PPP3R1: variants seen among roughly 807,000 people sequenced by gnomAD.
PPP3R1 encodes calcineurin subunit B type 1.
Under a neutral mutation model 22.6 loss-of-function variants are expected in PPP3R1, and 5 were observed. The observed-to-expected ratio is 0.22, with a 90% CI of 0.12 to 0.46. The LOEUF is 0.46. PPP3R1 is among the 20% of genes least tolerant of loss of function. PPP3R1 has a pLI of 0.99. For missense variants in PPP3R1, 61 were observed against 203.2 expected, an observed-to-expected ratio of 0.30 and a Z score of 4.25; for synonymous variants, 56 against 65.2, an observed-to-expected ratio of 0.86 and a Z score of 0.68.
In PPP3R1 at chr2:68,252,108, G is replaced by T; in HGVS notation, c.3+17C>A. 1 of 1,432,500 alleles carries T rather than the reference G, an allele frequency of 7.0e-7. No individual in the cohort carries two copies. The allele number at this position is 1,432,500 out of a possible 1,614,324, so 88.7% of individuals were successfully genotyped here. A position where few individuals can be genotyped will look rare whatever the true frequency, so the allele number is the denominator to read the frequency against. On this transcript the variant is annotated intron_variant, in intron 1 of 5. Transcript: ENST00000234310. ...AGTAGGGGGAGGGATGGTGCATCGA[G>T]GAAGCCAAGGTCTCACCATTTTGCT...
chr2:68,186,473 A>T lies in PPP3R1; in HGVS notation c.460T>A (p.Cys154Ser), dbSNP rs1674548383. Residue 154 changes from cysteine to serine, a missense_variant, in exon 5 of 6, where the codon TGT becomes AGT. Transcript: ENST00000234310. ...ACCAGCTCTTTTGTACTTACAGCAC[A>T]GAATTCTTCAAAGGATATTCTTCCA... ...GDGRISFEEF[C>S]AVVGGLDIHK... The T allele has an allele frequency of 6.2e-7, 1 of 1,611,460 alleles. No individual in the cohort carries two copies. Among genetic ancestry groups the T allele is most frequent in the South Asian group, 1.1e-5 (1 of 90,862 alleles).
chr2:68,205,126 A>G (rs1675087721), intron 2 of PPP3R1, among the ~76,000 whole-genome samples: 2 of 152,264 alleles, frequency 1.3e-5, no homozygotes, highest in Admixed American at 1.3e-4. Context: ...TGAATTCTAT[A>G]TGCTCATCAT....
intron 1 of PPP3R1, among the ~76,000 whole-genome samples, chr2:68,230,169 T>C (rs781492454): frequency 6.6e-6 from 1 of 152,038 alleles, no homozygotes; most frequent in Non-Finnish European, 1.5e-5. Flanking sequence ...ATTTTTTGTA[T>C]TTTTGGTTGA....
intron 2 of PPP3R1, among the ~76,000 whole-genome samples, chr2:68,207,514 C>T (rs975523901): frequency 2.0e-5 from 3 of 152,164 alleles, no homozygotes; most frequent in Admixed American, 1.3e-4. Context: ...CCCAGATGTA[C>T]GTAAGGAACA....
At chr2:68,196,532 C>G (rs996132166) in intron 2 of PPP3R1, among the ~76,000 whole-genome samples, 1 of 151,988 alleles carries the variant, frequency 6.6e-6, no homozygotes, top group Non-Finnish European at 1.5e-5. Context: ...ATGTGTTGTA[C>G]CTTTTCTTAA....
chr2:68,217,084 T>C lies in PPP3R1; in HGVS notation c.43+8A>G. ...AAAGTAACTTTTGGTAACAAGAATATGACTTACAGTGTGAGCACATTTCCA... is the reference window on the plus strand; with the variant it reads ...AAAGTAACTTTTGGTAACAAGAATACGACTTACAGTGTGAGCACATTTCCA... On this transcript the variant is annotated splice_region_variant and intron_variant, in intron 2 of 5. Transcript: ENST00000234310. The C allele has an allele frequency of 6.3e-7, 1 of 1,577,822 alleles. No individual in the cohort carries two copies. The highest frequency in any genetic ancestry group is 8.7e-7 in the Non-Finnish European group (1 of 1,154,500).
chr2:68,242,781 C>T (rs953655618), intron 1 of PPP3R1, among the ~76,000 whole-genome samples: 33 of 152,152 alleles, frequency 2.2e-4, no homozygotes, highest in Admixed American at 1.2e-3. Context: ...TGGCATTACA[C>T]TCAGGAGGAT....
At chr2:68,193,692 G>A (rs1040996002) in intron 2 of PPP3R1, among the ~76,000 whole-genome samples, 2 of 152,168 alleles carry the variant, frequency 1.3e-5, no homozygotes, top group Non-Finnish European at 2.9e-5. Flanking sequence ...CTGTGCTACA[G>A]TAGGATATTA....
chr2:68,241,990 C>T (rs1670146602), intron 1 of PPP3R1, among the ~76,000 whole-genome samples: 1 of 152,168 alleles, frequency 6.6e-6, no homozygotes, highest in South Asian at 2.1e-4. Context: ...CCACTACCTA[C>T]ATGTAGTTAT....
intron 2 of PPP3R1, among the ~76,000 whole-genome samples, chr2:68,195,817 C>T (rs902181314): frequency 2.6e-5 from 4 of 151,786 alleles, no homozygotes; most frequent in Non-Finnish European, 5.9e-5. Flanking sequence ...TTTTGTTAGT[C>T]AAATTGTTCC....
At chr2:68,211,418 A>AAAAAAAC (rs1669482656) in intron 2 of PPP3R1, among the ~76,000 whole-genome samples, 1 of 151,604 alleles carries the variant, frequency 6.6e-6, no homozygotes, top group Admixed American at 6.6e-5. Flanking sequence ...AAAAAAAAAA[A>AAAAAAAC]AAAAAAACTC....
chr2:68,186,821 C>T (rs1395639746), intron 4 of PPP3R1, among the ~76,000 whole-genome samples, 169 bp from the exon 5 acceptor site: 3 of 152,190 alleles, frequency 2.0e-5, no homozygotes, highest in African/African-American at 4.8e-5. Flanking sequence ...GTTGGTTAAA[C>T]GTACGGGCTT....
chr2:68,237,955 G>C (rs1177374983), intron 1 of PPP3R1, among the ~76,000 whole-genome samples: 2 of 152,074 alleles, frequency 1.3e-5, no homozygotes, highest in African/African-American at 4.8e-5. Context: ...TTTACTTATT[G>C]AAAGTAACAA....
At chr2:68,248,447 T>A (rs1253515186) in intron 1 of PPP3R1, among the ~76,000 whole-genome samples, 2 of 152,218 alleles carry the variant, frequency 1.3e-5, no homozygotes, top group African/African-American at 4.8e-5. Context: ...CTAGGTACAT[T>A]AAGAGACGCT....
chr2:68,184,437 G>A (rs557573406), intron 5 of PPP3R1, among the ~76,000 whole-genome samples: 1 of 152,190 alleles, frequency 6.6e-6, no homozygotes, highest in South Asian at 2.1e-4. Context: ...TTGTCCTTGT[G>A]AGTACATAAC....
intron 2 of PPP3R1, among the ~76,000 whole-genome samples, chr2:68,197,115 A>G (rs1674794991): frequency 6.6e-6 from 1 of 152,206 alleles, no homozygotes; most frequent in African/African-American, 2.4e-5. Context: ...AGTTTTGACA[A>G]ATGCATATAC....
At chr2:68,225,554 G>C (rs1669765803) in intron 1 of PPP3R1, among the ~76,000 whole-genome samples, 1 of 152,212 alleles carries the variant, frequency 6.6e-6, no homozygotes, top group South Asian at 2.1e-4. Flanking sequence ...TTTCAGCCTT[G>C]TGATACTCTG....
chr2:68,194,310 C>T (rs1359542639), intron 2 of PPP3R1, among the ~76,000 whole-genome samples: 1 of 152,032 alleles, frequency 6.6e-6, no homozygotes, highest in Non-Finnish European at 1.5e-5. Flanking sequence ...TCTGACGGTT[C>T]TCACGGATAA....
At chr2:68,184,914 C>T (rs1674502565) in intron 5 of PPP3R1, among the ~76,000 whole-genome samples, 1 of 152,018 alleles carries the variant, frequency 6.6e-6, no homozygotes, top group Non-Finnish European at 1.5e-5. Context: ...ATAGCGAGAC[C>T]CCTGTCTACA....
Sources: gnomAD v4.1 joint callset for allele counts (sites outside exome capture counted in the v4.1 genomes callset) on GRCh38, gnomAD v4.1.1 for gene constraint, MANE v1.5 for transcripts, NCBI Gene and HGNC (gene_info 2026-07-23, HGNC 2026-07-21) for gene names.